Variants in NCKAP5 observed in about 807,000 individuals in gnomAD.
The protein encoded by NCKAP5 is NCK associated protein 5, also known as nck-associated protein 5.
In NCKAP5, 92 loss-of-function variants were observed where a neutral mutation model predicts 167.0. The ratio of observed to expected loss-of-function variants is 0.55; its 90% confidence interval spans 0.47 to 0.66. NCKAP5 has a LOEUF of 0.66. NCKAP5 is among the 30% of genes least tolerant of loss of function. The pLI, the probability that NCKAP5 is intolerant of heterozygous loss-of-function variation, is 0.00. For synonymous variants in NCKAP5, 891 were observed against 877.4 expected, an observed-to-expected ratio of 1.02 and a Z score of -0.27; for missense variants, 2,378 against 2,315.0, an observed-to-expected ratio of 1.03 and a Z score of -0.56.
intron 1 of NCKAP5, among the ~76,000 whole-genome samples, chr2:133,563,155 T>G (rs1355429563): frequency 6.6e-6 from 1 of 152,184 alleles, no homozygotes; most frequent in Non-Finnish European, 1.5e-5. Context: ...ATTTCCAATT[T>G]TTTCTTTGTA....
In NCKAP5 at chr2:133,440,787, G is replaced by A. The variant is rs540899714; in HGVS notation, c.69+76671C>T. 3.4e-3 allele frequency among the ~76,000 whole-genome samples: 510 copies of A among 151,348 alleles called. 6 individuals carry two copies. Among genetic ancestry groups the A allele is most frequent in the African/African-American group, 0.011 (449 of 41,182 alleles). ...ATGGAGTATGGTGCTCATTGGCTTGGGGATCCTCCATCAGACTGCCTACAT... is the reference window on the plus strand; with the variant it reads ...ATGGAGTATGGTGCTCATTGGCTTGAGGATCCTCCATCAGACTGCCTACAT... On this transcript the variant is annotated intron_variant, in intron 3 of 19. Coordinates refer to ENST00000409261, the MANE Select transcript of NCKAP5 (RefSeq NM_207363.3).
rs79551146 is a variant in NCKAP5, at chr2:133,484,586, T to A, written c.69+32872A>T. 5.1e-3 allele frequency among the ~76,000 whole-genome samples: 779 copies of A among 152,254 alleles called. 7 individuals are homozygous for A. The highest frequency in any genetic ancestry group is 0.018 in the African/African-American group (736 of 41,558). On this transcript the variant is annotated intron_variant, in intron 3 of 19. Transcript: ENST00000409261. ...AAATCCAAAATCCAAAATTAAAAAG[T>A]TTTTGAGCACCAACATGATGCCACA...
chr2:133,005,083 C>T (rs1355809109), intron 6 of NCKAP5, among the ~76,000 whole-genome samples: 6 of 152,236 alleles, frequency 3.9e-5, no homozygotes, highest in Admixed American at 1.3e-4. Context: ...TTCAAACACA[C>T]GTTTTACAAA....
chr2:133,323,487 G>A lies in NCKAP5; in HGVS notation c.70-20377C>T, dbSNP rs375817929. Among the ~76,000 whole-genome samples the A allele has an allele frequency of 7.2e-4, 110 of 152,286 alleles. 1 individual carries two copies. The highest frequency in any genetic ancestry group is 2.6e-3 in the African/African-American group (108 of 41,548). The stretch of plus-strand genomic sequence containing the variant: ...AAGGCTTGGGTCACGGTAATACTGA[G>A]GGAGGGATAGGCTGGGTTAAAGAGG... On this transcript the variant is annotated intron_variant, in intron 3 of 19. Transcript: ENST00000409261.
intron 7 of NCKAP5, among the ~76,000 whole-genome samples, chr2:132,965,524 T>C (rs2076632860): frequency 6.6e-6 from 1 of 152,198 alleles, no homozygotes; most frequent in Non-Finnish European, 1.5e-5. Flanking sequence ...TTTCTGTATA[T>C]AGTTTTTCAT....
rs34829891 is a variant in NCKAP5 at position 133,235,904 on chromosome 2, C to CAA, written c.144-22127_144-22126dup. Among the ~76,000 whole-genome samples the CAA allele has an allele frequency of 2.9e-3, 375 of 130,322 alleles. 3 individuals are homozygous for CAA. The highest frequency in any genetic ancestry group is 9.4e-3 in the African/African-American group (329 of 34,926). 85.5% of individuals were successfully genotyped at this position (130,322 alleles called of 152,430 possible). Reference sequence around the variant, plus strand: ...GGGCAACAAAAGTGAAACTCTATCTCAAAAAAAAAAAAAAATGCAAAAAAA... The same window carrying CAA: ...GGGCAACAAAAGTGAAACTCTATCTCAAAAAAAAAAAAAAAAATGCAAAAAAA... On this transcript the variant is annotated intron_variant, in intron 4 of 19. Transcript: ENST00000409261.
chr2:133,172,540 T>G (rs1333144479), intron 5 of NCKAP5, among the ~76,000 whole-genome samples: 1 of 152,200 alleles, frequency 6.6e-6, no homozygotes, highest in East Asian at 1.9e-4. Context: ...GGCACGATCT[T>G]AGCTCACTGC....
intron 3 of NCKAP5, among the ~76,000 whole-genome samples, chr2:133,455,284 T>A (rs574599359): frequency 1.2e-4 from 18 of 152,242 alleles, no homozygotes; most frequent in African/African-American, 4.3e-4. Flanking sequence ...TTCATCCCTT[T>A]CAAAGTTTAA....
chr2:133,122,711 C>G (rs963615929), intron 6 of NCKAP5: 1 of 151,984 alleles, frequency 6.6e-6, no homozygotes, highest in Admixed American at 6.6e-5. Context: ...TAGACATGGC[C>G]AAAACCCAGT....
intron 6 of NCKAP5, among the ~76,000 whole-genome samples, chr2:133,029,056 G>A (rs1457553812): frequency 6.6e-6 from 1 of 152,120 alleles, no homozygotes; most frequent in Non-Finnish European, 1.5e-5. Flanking sequence ...AGAACTGTGG[G>A]CCAATTAAAC....
intron 19 of NCKAP5, among the ~76,000 whole-genome samples, chr2:132,703,239 GA>G: frequency 6.6e-6 from 1 of 152,080 alleles, no homozygotes; most frequent in Admixed American, 6.6e-5. Flanking sequence ...ACAAAGTTGT[GA>G]AAAATTTAAA....
chr2:133,235,477 C>T (rs1424517166), intron 4 of NCKAP5, among the ~76,000 whole-genome samples: 1 of 152,168 alleles, frequency 6.6e-6, no homozygotes, highest in Non-Finnish European at 1.5e-5. Context: ...TGGCTCACAC[C>T]TGTAATCCTA....
At chr2:133,264,919 C>T (rs993018041) in intron 4 of NCKAP5, 2 of 152,140 alleles carry the variant, frequency 1.3e-5, no homozygotes, top group East Asian at 3.9e-4. Flanking sequence ...AACAAAACCC[C>T]CACAAAATAG....
At chr2:133,220,480 T>G (rs2086615468) in intron 4 of NCKAP5, among the ~76,000 whole-genome samples, 1 of 152,190 alleles carries the variant, frequency 6.6e-6, no homozygotes. Context: ...AGTTCCAGGT[T>G]TCTAAAGCCC....
chr2:133,546,830 G>C (rs557244490), intron 2 of NCKAP5, among the ~76,000 whole-genome samples: 1 of 152,184 alleles, frequency 6.6e-6, no homozygotes, highest in Non-Finnish European at 1.5e-5. Context: ...AGGAAAAAGA[G>C]CAATTCTTTG....
chr2:133,615,421 C>T, the NCKAP5 span, among the ~76,000 whole-genome samples: 1 of 151,934 alleles, frequency 6.6e-6, no homozygotes, highest in African/African-American at 2.4e-5. Context: ...TGTGCAGAGA[C>T]ACACATAGGC....
chr2:133,037,691 A>G lies in NCKAP5; in HGVS notation c.342-43452T>C, dbSNP rs74747794. ...AAACTCAAACTATGAAACTACTACA[A>G]GAAAATAAATATTGGGGAAAATCTC... On this transcript the variant is annotated intron_variant, in intron 6 of 19. Transcript: ENST00000409261. 3.1e-3 allele frequency among the ~76,000 whole-genome samples: 473 copies of G among 152,250 alleles called. 3 individuals carry two copies. Among genetic ancestry groups the G allele is most frequent in the Admixed American group, 6.9e-3 (106 of 15,280 alleles).
chr2:133,118,287 T>A (rs1353962269), intron 6 of NCKAP5: 1 of 152,080 alleles, frequency 6.6e-6, no homozygotes, highest in South Asian at 2.1e-4. Flanking sequence ...ATTTTTTTTT[T>A]AATTATCATA....
chr2:133,398,107 G>T (rs560709343), intron 3 of NCKAP5, among the ~76,000 whole-genome samples: 1 of 152,036 alleles, frequency 6.6e-6, no homozygotes, highest in Non-Finnish European at 1.5e-5. Flanking sequence ...AAAACGTACT[G>T]CCCTGGTGCT....
Sources: allele counts gnomAD v4.1 joint callset (sites outside exome capture counted in the v4.1 genomes callset), GRCh38; gene constraint gnomAD v4.1.1; transcripts MANE v1.5; gene names NCBI Gene and HGNC (gene_info 2026-07-23, HGNC 2026-07-21).